The following COP1 variants were observed in gnomAD, a reference collection of about 807,000 sequenced individuals.
COP1 encodes E3 ubiquitin-protein ligase COP1.
COP1 carries 24 observed loss-of-function variants against 101.3 expected under a neutral mutation model. The ratio of observed to expected loss-of-function variants is 0.24; its 90% CI spans 0.17 to 0.33. The LOEUF (loss-of-function observed/expected upper bound fraction) is 0.33. Ranked by LOEUF, COP1 falls within the 10% of genes least tolerant of loss-of-function variation. The probability of loss-of-function intolerance (pLI) is 1.00; values close to 1 mark genes in which losing one functional copy is unlikely to be tolerated. For synonymous variants in COP1, 347 were observed against 341.9 expected (o/e 1.01, Z -0.17); for missense variants, 663 against 906.2 (o/e 0.73, Z 3.45).
chr1:176,117,264 T>C (rs920109854), intron 8 of COP1, among the ~76,000 whole-genome samples: 2 of 152,150 alleles, frequency 1.3e-5, no homozygotes, highest in African/African-American at 4.8e-5. Flanking sequence ...AAATAAATGG[T>C]AAAATAACAA....
At chr1:176,193,289 G>A (rs551505712) in intron 1 of COP1, among the ~76,000 whole-genome samples, 1 of 152,252 alleles carries the variant, frequency 6.6e-6, no homozygotes, top group South Asian at 2.1e-4. Context: ...GACAAGATGT[G>A]GAGAAATTAG....
intron 6 of COP1, among the ~76,000 whole-genome samples, chr1:176,141,862 C>T (rs961330721): frequency 2.0e-5 from 3 of 151,886 alleles, no homozygotes; most frequent in African/African-American, 4.8e-5. Context: ...TCCCAAGTAG[C>T]GGGGACTACA....
At chr1:176,052,122 G>C (rs1176642397) in intron 11 of COP1, among the ~76,000 whole-genome samples, 2 of 152,018 alleles carry the variant, frequency 1.3e-5, no homozygotes, top group African/African-American at 4.8e-5. Context: ...TCCATTAATG[G>C]TAAGTGCCCT....
intron 18 of COP1, among the ~76,000 whole-genome samples, chr1:175,959,390 C>A (rs199602863): frequency 6.6e-6 from 1 of 152,066 alleles, no homozygotes. Context: ...TGGTGAGGAA[C>A]AAGTCAACGA....
chr1:175,965,268 T>C (rs1480943128), intron 18 of COP1, among the ~76,000 whole-genome samples: 1 of 152,228 alleles, frequency 6.6e-6, no homozygotes, highest in African/African-American at 2.4e-5. Flanking sequence ...TGCCCTTCTT[T>C]TGATGCATGA....
At chr1:176,127,587 G>A (rs1216915873) in intron 8 of COP1, among the ~76,000 whole-genome samples, 5 of 114,280 alleles carry the variant, frequency 4.4e-5, no homozygotes, top group Non-Finnish European at 5.8e-5. Flanking sequence ...GTGTGTGTGT[G>A]TGTATGTGTA....
chr1:176,004,169 T>C (rs998826611), intron 15 of COP1, among the ~76,000 whole-genome samples: 2 of 151,450 alleles, frequency 1.3e-5, no homozygotes, highest in African/African-American at 2.4e-5. Context: ...TGTTGGTGTG[T>C]AAGAATGCTT....
chr1:176,140,967 T>TC (rs1456810064), intron 6 of COP1, among the ~76,000 whole-genome samples: 10 of 152,284 alleles, frequency 6.6e-5, no homozygotes, highest in Admixed American at 6.5e-4. Context: ...AAAGAGTAAG[T>TC]AAGTCTCAGA....
At chr1:176,035,710 CA>C (rs71129541) in intron 14 of COP1, among the ~76,000 whole-genome samples, 14,699 of 67,304 alleles carry the variant, frequency 0.22, 959 homozygotes, top group Admixed American at 0.26. Flanking sequence ...AAAACGAGAC[CA>C]AAAAAAAAAA....
At chr1:176,053,315 G>A (rs1050393850) in intron 11 of COP1, among the ~76,000 whole-genome samples, 4 of 151,874 alleles carry the variant, frequency 2.6e-5, no homozygotes, top group Non-Finnish European at 2.9e-5. Flanking sequence ...TAGCTTCTTC[G>A]TCATTTTTCT....
At chr1:176,003,200 G>A (rs1662198271) in intron 15 of COP1, among the ~76,000 whole-genome samples, 1 of 150,738 alleles carries the variant, frequency 6.6e-6, no homozygotes, top group Non-Finnish European at 1.5e-5. Context: ...TTTTTGATGG[G>A]GTTGTTTTCT....
At chr1:176,115,957 C>A (rs1052990586) in intron 9 of COP1, among the ~76,000 whole-genome samples, 1 of 152,030 alleles carries the variant, frequency 6.6e-6, no homozygotes, top group Non-Finnish European at 1.5e-5. Context: ...TAAGTTTCAA[C>A]GTAATGAAGC....
At chr1:176,197,983 A>G (rs769922131) in intron 1 of COP1, among the ~76,000 whole-genome samples, 4 of 152,178 alleles carry the variant, frequency 2.6e-5, no homozygotes, top group Non-Finnish European at 4.4e-5. Flanking sequence ...AAGCATAAAC[A>G]CTGCTAAGAG....
chr1:176,097,594 T>C (rs916891173), intron 9 of COP1, among the ~76,000 whole-genome samples: 9 of 152,026 alleles, frequency 5.9e-5, no homozygotes, highest in Non-Finnish European at 1.3e-4. Context: ...ACTGGCTGGG[T>C]GCAGCAGCTC....
intron 18 of COP1, among the ~76,000 whole-genome samples, chr1:175,972,525 T>C (rs1653498825): frequency 6.7e-6 from 1 of 148,744 alleles, no homozygotes; most frequent in Non-Finnish European, 1.5e-5. Context: ...AGTGCAGTGG[T>C]GTGATCTCGG....
intron 18 of COP1, among the ~76,000 whole-genome samples, chr1:175,963,652 T>G (rs1411579045): frequency 6.6e-6 from 1 of 152,188 alleles, no homozygotes. Flanking sequence ...GTTTATGGTC[T>G]TTTGTCCAGG....
At chr1:176,135,208 T>A (rs1346940713) in intron 7 of COP1, 122 bp from the exon 8 acceptor site, 1 of 584,018 alleles carries the variant, frequency 1.7e-6, no homozygotes, top group East Asian at 3.0e-5. Context: ...TGTCTCAATA[T>A]CAAATTTCTG....
At chr1:175,987,348 C>T (rs1471440036) in intron 17 of COP1, among the ~76,000 whole-genome samples, 2 of 152,080 alleles carry the variant, frequency 1.3e-5, no homozygotes, top group Non-Finnish European at 2.9e-5. Flanking sequence ...AATTCTAAGG[C>T]TAAAATTACC....
chr1:176,019,028 T>C (rs569220828), intron 15 of COP1, among the ~76,000 whole-genome samples: 12 of 151,650 alleles, frequency 7.9e-5, no homozygotes, highest in Admixed American at 3.3e-4. Flanking sequence ...TAGCCAGACA[T>C]GGTGGTACAC....
Sources: gnomAD v4.1 joint callset for allele counts (sites outside exome capture counted in the v4.1 genomes callset) on GRCh38, gnomAD v4.1.1 for gene constraint, MANE v1.5 for transcripts, NCBI Gene and HGNC (gene_info 2026-07-23, HGNC 2026-07-21) for gene names.